Variants in TMCO5A observed in about 807,000 individuals in gnomAD.
TMCO5A encodes the protein transmembrane and coiled-coil domain-containing protein 5A.
Under a neutral mutation model 42.3 loss-of-function variants are expected in TMCO5A, and 34 were observed. The observed-to-expected ratio is 0.80, with a 90% confidence interval of 0.61 to 1.07. TMCO5A has a LOEUF of 1.07. Ranked by LOEUF, TMCO5A falls within the 50% of genes least tolerant of loss-of-function variation. The probability of loss-of-function intolerance (pLI) is 0.00; values close to 1 mark genes in which losing one functional copy is unlikely to be tolerated. For synonymous variants in TMCO5A, 131 were observed against 115.6 expected (o/e 1.13, Z -0.86); for missense variants, 357 against 327.9 (o/e 1.09, Z -0.69).
At chr15:37,936,529 A>G in intron 3 of TMCO5A, 66 bp downstream of exon 3, 4 of 1,544,306 alleles carry the variant, frequency 2.6e-6, no homozygotes, top group Non-Finnish European at 3.5e-6. Flanking sequence ...CAAAACCAAA[A>G]CTGAATTTTC....
intron 11 of TMCO5A, among the ~76,000 whole-genome samples, chr15:37,965,003 A>G (rs1223559566): frequency 1.3e-5 from 2 of 152,188 alleles, no homozygotes; most frequent in African/African-American, 4.8e-5. Context: ...ACATTACTTG[A>G]CTTCAAATTA....
chr15:38,007,729 G>T, the TMCO5A span, among the ~76,000 whole-genome samples: 9 of 152,048 alleles, frequency 5.9e-5, no homozygotes, highest in African/African-American at 2.2e-4. Context: ...GTAACTAGAG[G>T]TCAGTTCTGC....
At chr15:37,978,564 T>A in the TMCO5A span, among the ~76,000 whole-genome samples, 8 of 152,122 alleles carry the variant, frequency 5.3e-5, no homozygotes, top group African/African-American at 1.9e-4. Context: ...AGGCCCTTTG[T>A]TCCTTCCCCT....
chr15:37,955,755 T>C (rs55756777), downstream of TMCO5A, among the ~76,000 whole-genome samples: 3,744 of 152,154 alleles, frequency 0.025, 164 homozygotes, highest in African/African-American at 0.083. Context: ...CTAATAGACA[T>C]CTACAGAAGT....
chr15:37,951,829 T>C (rs958821659), downstream of TMCO5A, among the ~76,000 whole-genome samples: 3 of 152,122 alleles, frequency 2.0e-5, no homozygotes, highest in Non-Finnish European at 2.9e-5. Flanking sequence ...TCTGTAGTTT[T>C]AACTTCATAT....
intron 11 of TMCO5A, among the ~76,000 whole-genome samples, chr15:37,960,579 A>G (rs1321279315): frequency 6.6e-6 from 1 of 152,036 alleles, no homozygotes; most frequent in African/African-American, 2.4e-5. Context: ...TGGTAGTTCT[A>G]CTTTTAGTTG....
chr15:38,030,232 C>T, the TMCO5A span, among the ~76,000 whole-genome samples: 4 of 152,192 alleles, frequency 2.6e-5, no homozygotes, highest in African/African-American at 9.7e-5. Context: ...CATCCCAAAC[C>T]TTGTACCTCA....
At chr15:37,944,318 A>C (rs1458598900) in intron 10 of TMCO5A, 9 of 152,036 alleles carry the variant, frequency 5.9e-5, no homozygotes, top group Admixed American at 5.9e-4. Flanking sequence ...TGTAGAACCA[A>C]GTTTTTGACA....
the TMCO5A span, among the ~76,000 whole-genome samples, chr15:37,994,975 A>G: frequency 0.028 from 4,246 of 152,266 alleles, 212 homozygotes; most frequent in African/African-American, 0.097. Context: ...TTTAAGTGCC[A>G]GTAAAACCTT....
Position 37,951,161 on chromosome 15 carries a change from G to C in TMCO5A, c.794G>C (p.Ser265Thr), listed in dbSNP as rs1460125556. ...GTACTGCCCAAGGTACTGGGCAGGA[G>C]CACCTTGTGGAAGCTCAGATGCTTC... Reference protein sequence around the residue: ...VNVLPKVLGRSTLWKLRCFFF... With the variant: ...VNVLPKVLGRTTLWKLRCFFF... The change falls in exon 12 of 12, where the codon AGC becomes ACC. Residue 265 changes from serine (S) to threonine (T), a missense_variant. Ser to Thr is a moderately conservative substitution (Grantham distance 58, BLOSUM62 1). Transcript: ENST00000319669. 1.9e-6 allele frequency: 3 copies of C among 1,613,816 alleles called. No homozygotes were observed. The highest frequency in any genetic ancestry group is 8.5e-7 in the Non-Finnish European group (1 of 1,179,860).
At chr15:37,956,437 A>G (rs992885828) in intron 11 of TMCO5A, among the ~76,000 whole-genome samples, 2 of 152,174 alleles carry the variant, frequency 1.3e-5, no homozygotes, top group African/African-American at 2.4e-5. Context: ...AGAAATATAA[A>G]CTACATCAAA....
chr15:37,986,584 C>T, the TMCO5A span, among the ~76,000 whole-genome samples: 1 of 152,008 alleles, frequency 6.6e-6, no homozygotes, highest in Non-Finnish European at 1.5e-5. Flanking sequence ...AAAACTGATA[C>T]TCTGTACCCA....
At chr15:38,022,656 G>T in the TMCO5A span, among the ~76,000 whole-genome samples, 4 of 152,138 alleles carry the variant, frequency 2.6e-5, no homozygotes, top group Non-Finnish European at 4.4e-5. Context: ...GTTTTATGGG[G>T]TTTGGGTGAT....
chr15:38,031,219 C>G, the TMCO5A span, among the ~76,000 whole-genome samples: 1 of 152,100 alleles, frequency 6.6e-6, no homozygotes, highest in African/African-American at 2.4e-5. Context: ...CCTTCCATGT[C>G]TTCTCCCTAA....
chr15:37,975,281 T>C, the TMCO5A span, among the ~76,000 whole-genome samples: 1 of 152,188 alleles, frequency 6.6e-6, no homozygotes. Flanking sequence ...TGAGTTCAGG[T>C]CCCAAATATC....
At chr15:37,979,891 C>G in the TMCO5A span, among the ~76,000 whole-genome samples, 1 of 152,260 alleles carries the variant, frequency 6.6e-6, no homozygotes, top group East Asian at 1.9e-4. Context: ...GGGGCAGTGA[C>G]CCACATGGAA....
chr15:38,014,154 AT>A, the TMCO5A span, among the ~76,000 whole-genome samples: 4 of 152,096 alleles, frequency 2.6e-5, no homozygotes, highest in African/African-American at 9.7e-5. Flanking sequence ...CCTGCAAAAT[AT>A]TTTTTTGCCA....
the TMCO5A span, chr15:38,040,411 G>A: frequency 2.0e-5 from 3 of 152,114 alleles, no homozygotes; most frequent in Non-Finnish European, 4.4e-5. Flanking sequence ...GCAGGCAAAC[G>A]GAGTCGCCAT....
Position 37,959,691 on chromosome 15 carries a change from G to A in TMCO5A, c.669-6934G>A, listed in dbSNP as rs568839518. On this transcript the variant is annotated intron_variant, in intron 11 of 11. Transcript: ENST00000559502. ...GGAGATAGAAAGAACATAGCTCAAC[G>A]TAATAAAAGCCATATATGACAGACC... Among the ~76,000 whole-genome samples the A allele has an allele frequency of 5.3e-5, 8 of 152,032 alleles. No individual in the cohort carries two copies. The South Asian group carries it at 1.0e-3, about 20-fold the overall frequency.
Sources: allele counts gnomAD v4.1 joint callset (sites outside exome capture counted in the v4.1 genomes callset), GRCh38; gene constraint gnomAD v4.1.1; transcripts MANE v1.5; gene names NCBI Gene and HGNC (gene_info 2026-07-23, HGNC 2026-07-21).